NUP214: variants seen among roughly 807,000 people sequenced by gnomAD.
The protein encoded by NUP214 is nucleoporin 214.
A neutral mutation model predicts 196.2 loss-of-function variants in NUP214; 79 were observed. The observed-to-expected ratio is 0.40, with a 90% CI of 0.34 to 0.49. The LOEUF (loss-of-function observed/expected upper bound fraction) is 0.49. NUP214 is among the 20% of genes least tolerant of loss of function. The pLI, the probability that NUP214 is intolerant of heterozygous loss-of-function variation, is 0.58. For missense variants in NUP214, 2,468 were observed against 2,539.0 expected (o/e 0.97, Z 0.60); for synonymous variants, 1,020 against 990.5 (o/e 1.03, Z -0.56).
In NUP214 at chr9:131,163,011, G is replaced by A. The variant is rs1397442053; in HGVS notation, c.2561G>A (p.Arg854Gln). The part of the protein sequence containing the change: ...KKQRHLLVPE[R>Q]ETLFNTLANN... The stretch of plus-strand genomic sequence containing the variant: ...AACAGGCACCTGCTTGTGCCAGAGC[G>A]AGAGACACTGTTTAACACCCTAGCC... The change falls in exon 19 of 36, where the codon CGA (arginine) becomes CAA (glutamine). Residue 854 changes from arginine to glutamine, a missense_variant. Arg to Gln is a conservative substitution (Grantham distance 43). Transcript: ENST00000359428. 1.2e-5 allele frequency: 19 copies of A among 1,613,982 alleles called. No homozygotes were observed. Among genetic ancestry groups the A allele is most frequent in the East Asian group, 2.2e-5 (1 of 44,900 alleles).
At position 131,233,854 on chromosome 9, in the gene NUP214, C is replaced by G. The variant is rs931715817; in HGVS notation, c.*367C>G. ...AGCGTCGGGTGTTGATAAACAGCAT[C>G]GAATGTGCCGTGGTCTCACTTGGAC... On this transcript the variant is annotated 3_prime_UTR_variant, in exon 36 of 36. Coordinates refer to ENST00000359428, the MANE Select transcript of NUP214 (RefSeq NM_005085.4). 1.7e-4 allele frequency: 69 copies of G among 401,382 alleles called. No individual in the cohort carries two copies. The highest frequency in any genetic ancestry group is 1.4e-3 in the African/African-American group (68 of 49,654). 24.9% of individuals were successfully genotyped at this position (401,382 alleles called of 1,614,324 possible). A position where few individuals can be genotyped will look rare whatever the true frequency, so the allele number is the denominator to read the frequency against.
At chr9:131,195,877 T>C (rs1426096394) in intron 28 of NUP214, among the ~76,000 whole-genome samples, 1 of 151,872 alleles carries the variant, frequency 6.6e-6, no homozygotes, top group African/African-American at 2.4e-5. Context: ...AATACAAAAT[T>C]AGCCAGCCGT....
At chr9:131,174,392 C>G (rs1184955111) in intron 22 of NUP214, 74 bp downstream of exon 22, 3 of 1,301,424 alleles carry the variant, frequency 2.3e-6, no homozygotes, top group East Asian at 5.8e-5. Context: ...GTAACTGGGT[C>G]TTATACTGTC....
chr9:131,163,930 C>T lies in NUP214; in HGVS notation c.2784C>T (p.His928=). 6.2e-7 allele frequency: 1 copy of T among 1,614,178 alleles called. No homozygotes were observed. Among genetic ancestry groups the T allele is most frequent in the Non-Finnish European group, 8.5e-7 (1 of 1,180,004 alleles). Residue 928 remains histidine (H), a synonymous_variant, in exon 20 of 36, where the codon CAC becomes CAT. Transcript: ENST00000359428. ...NALLKTTIES[H]TKSLPKVPAK... is the part of the protein sequence containing the mutation. The stretch of plus-strand genomic sequence containing the variant: ...TGTTGAAAACCACCATAGAATCTCA[C>T]ACCAAATCCTTGCCCAAAGTACCAG...
chr9:131,196,701 C>T (rs1468567419), intron 28 of NUP214, among the ~76,000 whole-genome samples: 5 of 152,202 alleles, frequency 3.3e-5, no homozygotes, highest in Non-Finnish European at 5.9e-5. Context: ...CGTACTGCCT[C>T]TGTCAAATAG....
At chr9:131,186,716 C>T (rs958077339) in intron 24 of NUP214, among the ~76,000 whole-genome samples, 4 of 152,202 alleles carry the variant, frequency 2.6e-5, no homozygotes, top group African/African-American at 9.7e-5. Context: ...ATGATGAGAG[C>T]TCTTTCTGCG....
rs372213995 is a variant in NUP214 at position 131,233,511 on chromosome 9, T to C, written c.*24T>C. Reference sequence around the variant, plus strand: ...GAGGGCGTGTCAGCAGGCCTTTCGATCCCTGGGACCAACCGCATCCTCAGC... The same window carrying C: ...GAGGGCGTGTCAGCAGGCCTTTCGACCCCTGGGACCAACCGCATCCTCAGC... On this transcript the variant is annotated 3_prime_UTR_variant, in exon 36 of 36. Coordinates refer to ENST00000359428, the MANE Select transcript of NUP214 (RefSeq NM_005085.4). 3.1e-6 allele frequency: 5 copies of C among 1,613,338 alleles called. No individual in the cohort carries two copies. In the African/African-American group the frequency reaches 6.7e-5, roughly 22 times the overall value.
chr9:131,184,012 T>C (rs1833368729), intron 24 of NUP214, among the ~76,000 whole-genome samples: 1 of 149,904 alleles, frequency 6.7e-6, no homozygotes, highest in Admixed American at 6.7e-5. Context: ...CTTTTCTTTT[T>C]CTTTTTTCTT....
chr9:131,173,984 C>A, intron 21 of NUP214, 71 bp from the exon 22 acceptor site: 1 of 1,487,048 alleles, frequency 6.7e-7, no homozygotes, highest in Non-Finnish European at 9.1e-7. Context: ...TTTTTATCAA[C>A]AGTGAAAATT....
intron 9 of NUP214, among the ~76,000 whole-genome samples, chr9:131,137,191 T>G (rs1033856561): frequency 2.6e-5 from 4 of 152,258 alleles, no homozygotes; most frequent in African/African-American, 9.6e-5. Flanking sequence ...GCAATTTTAT[T>G]TTTACTTTCT....
intron 11 of NUP214, among the ~76,000 whole-genome samples, chr9:131,143,289 A>G (rs1831980769): frequency 6.6e-6 from 1 of 151,804 alleles, no homozygotes. Flanking sequence ...GATTACAGGC[A>G]TGAGCCACTG....
At chr9:131,150,559 A>T in intron 15 of NUP214, 57 bp from the exon 16 acceptor site, 1 of 1,597,208 alleles carries the variant, frequency 6.3e-7, no homozygotes, top group Non-Finnish European at 8.6e-7. Flanking sequence ...GCACGATAGC[A>T]GTGACATTAC....
In NUP214 at chr9:131,198,891, C is replaced by T. The variant is rs1465285862; in HGVS notation, c.5397C>T (p.Gly1799=). ...CCAACACAGGAGGGGGGCTGTTTGGCCAAAGCAACGCTCCTGCTTTTGGGC... is the reference window on the plus strand; with the variant it reads ...CCAACACAGGAGGGGGGCTGTTTGGTCAAAGCAACGCTCCTGCTTTTGGGC... The part of the protein sequence containing the change: ...SSPNTGGGLF[G]QSNAPAFGQS... Residue 1799 remains glycine (G), a synonymous_variant, in exon 29 of 36, where the codon GGC becomes GGT. Transcript: ENST00000359428. The T allele has an allele frequency of 1.2e-6, 2 of 1,614,078 alleles. No individual in the cohort carries two copies. Among genetic ancestry groups the T allele is most frequent in the East Asian group, 2.2e-5 (1 of 44,900 alleles).
intron 17 of NUP214, among the ~76,000 whole-genome samples, chr9:131,156,598 A>G (rs1832456026): frequency 6.7e-6 from 1 of 150,156 alleles, no homozygotes; most frequent in Non-Finnish European, 1.5e-5. Context: ...AGCTATTATA[A>G]AAGGGGTTGT....
At chr9:131,157,099 A>C (rs1832474084) in intron 17 of NUP214, among the ~76,000 whole-genome samples, 1 of 151,312 alleles carries the variant, frequency 6.6e-6, no homozygotes, top group African/African-American at 2.4e-5. Flanking sequence ...CATCCTCCTG[A>C]GTAGCTGGGT....
At chr9:131,154,993 C>T in intron 17 of NUP214, among the ~76,000 whole-genome samples, 1 of 152,178 alleles carries the variant, frequency 6.6e-6, no homozygotes, top group East Asian at 1.9e-4. Context: ...GACTTCTTTT[C>T]CTCTGGGTAG....
At chr9:131,126,782 T>TAAC (rs1318687660) in intron 1 of NUP214, among the ~76,000 whole-genome samples, 1 of 152,024 alleles carries the variant, frequency 6.6e-6, no homozygotes, top group East Asian at 1.9e-4. Context: ...ACTCCTGACC[T>TAAC]AACGTGATCC....
chr9:131,212,706 CACTT>C (rs1405756299), intron 30 of NUP214, among the ~76,000 whole-genome samples: 1 of 152,188 alleles, frequency 6.6e-6, no homozygotes, highest in Admixed American at 6.5e-5. Flanking sequence ...GGATCTTAAA[CACTT>C]ACTCCTTACT....
chr9:131,165,282 TA>T (rs1334991896), intron 21 of NUP214: 1 of 150,816 alleles, frequency 6.6e-6, no homozygotes, highest in Non-Finnish European at 1.5e-5. Flanking sequence ...TAAAAAAAAT[TA>T]AAAAGTTAAA....
Sources: gnomAD v4.1 joint callset for allele counts (sites outside exome capture counted in the v4.1 genomes callset) on GRCh38, gnomAD v4.1.1 for gene constraint, MANE v1.5 for transcripts, NCBI Gene and HGNC (gene_info 2026-07-23, HGNC 2026-07-21) for gene names.